Variants in PRKD1 observed in about 807,000 individuals in gnomAD.
The protein encoded by PRKD1 is serine/threonine-protein kinase D1.
PRKD1 carries 63 observed loss-of-function variants against 95.9 expected under a neutral mutation model. That is an observed-to-expected ratio of 0.66 (90% CI 0.54 to 0.81). PRKD1 has a LOEUF of 0.81. Ranked by LOEUF, PRKD1 falls within the 30% of genes least tolerant of loss-of-function variation. The pLI is 0.00. For synonymous variants in PRKD1, 425 were observed against 423.1 expected, an observed-to-expected ratio of 1.00 and a Z score of -0.05; for missense variants, 1,048 against 1,165.3, an observed-to-expected ratio of 0.90 and a Z score of 1.47.
intron 1 of PRKD1, among the ~76,000 whole-genome samples, chr14:29,769,755 T>C (rs887297652): frequency 6.6e-6 from 1 of 152,230 alleles, no homozygotes; most frequent in Non-Finnish European, 1.5e-5. Flanking sequence ...GTGTATGGAA[T>C]ATTATAAACT....
intron 1 of PRKD1, among the ~76,000 whole-genome samples, chr14:29,761,261 C>T (rs1186642056): frequency 6.6e-6 from 1 of 152,154 alleles, no homozygotes; most frequent in African/African-American, 2.4e-5. Flanking sequence ...TCACAATGAA[C>T]ATCAACAATT....
Position 29,826,844 on chromosome 14 carries a change from C to CATATATATAT in PRKD1, c.264+100395_264+100404dup, listed in dbSNP as rs1228527833. 2.0e-3 allele frequency among the ~76,000 whole-genome samples: 57 copies of CATATATATAT among 28,660 alleles called. 4 individuals carry two copies. Among genetic ancestry groups the CATATATATAT allele is most frequent in the African/African-American group, 4.2e-3 (35 of 8,250 alleles). The allele number at this position is 28,660 out of a possible 152,430, so 18.8% of individuals were successfully genotyped here. A position where few individuals can be genotyped will look rare whatever the true frequency, so the allele number is the denominator to read the frequency against. The stretch of plus-strand genomic sequence containing the variant: ...ATATATATATATATATATATACACA[C>CATATATATAT]ATATATATATATATATATATATATA... On this transcript the variant is annotated intron_variant, in intron 1 of 17. Transcript: ENST00000331968.
At chr14:29,635,382 C>G (rs1027695815) in intron 7 of PRKD1, among the ~76,000 whole-genome samples, 3 of 152,112 alleles carry the variant, frequency 2.0e-5, no homozygotes, top group African/African-American at 7.2e-5. Context: ...CCCCCCGGCA[C>G]CATGCAAACT....
intron 1 of PRKD1, among the ~76,000 whole-genome samples, chr14:29,756,635 G>A (rs1887712076): frequency 6.6e-6 from 1 of 152,130 alleles, no homozygotes; most frequent in South Asian, 2.1e-4. Flanking sequence ...GTGGACACTG[G>A]GTACTCATGT....
At chr14:29,792,217 T>C (rs1314836249) in intron 1 of PRKD1, among the ~76,000 whole-genome samples, 2 of 152,140 alleles carry the variant, frequency 1.3e-5, no homozygotes, top group Non-Finnish European at 2.9e-5. Context: ...AAAATTATTA[T>C]GTTAGCTAAT....
intron 16 of PRKD1, among the ~76,000 whole-genome samples, chr14:29,592,373 ATT>A (rs1001382925): frequency 2.0e-5 from 3 of 152,142 alleles, no homozygotes; most frequent in African/African-American, 7.2e-5. Context: ...GTAGGCATGC[ATT>A]TTTATATAGT....
chr14:29,629,403 A>G (rs45537840), intron 10 of PRKD1, among the ~76,000 whole-genome samples: 3,164 of 152,326 alleles, frequency 0.021, 109 homozygotes, highest in African/African-American at 0.065. Context: ...CGCTCGAGAG[A>G]CACTGATTTC....
intron 1 of PRKD1, among the ~76,000 whole-genome samples, chr14:29,817,559 T>C (rs1488764081): frequency 1.3e-5 from 2 of 152,228 alleles, no homozygotes; most frequent in African/African-American, 4.8e-5. Context: ...TCTTTAAGTA[T>C]TGACTCAATA....
chr14:29,781,917 C>T (rs1396284769), intron 1 of PRKD1, among the ~76,000 whole-genome samples: 1 of 152,196 alleles, frequency 6.6e-6, no homozygotes, highest in African/African-American at 2.4e-5. Flanking sequence ...ATTCAATCTG[C>T]TGCCACTTCT....
chr14:29,820,035 T>C (rs889801088), intron 1 of PRKD1, among the ~76,000 whole-genome samples: 3 of 152,194 alleles, frequency 2.0e-5, no homozygotes, highest in African/African-American at 7.2e-5. Context: ...ATTTCTAATA[T>C]GAAAGTCTCT....
At position 29,784,799 on chromosome 14, in the gene PRKD1, G is replaced by A. The variant is rs1000393377; in HGVS notation, c.265-59125C>T. On this transcript the variant is annotated intron_variant, in intron 1 of 17. Coordinates refer to ENST00000331968, the MANE Select transcript of PRKD1 (RefSeq NM_002742.3). ...TTTGCTAAATTCTCTAACAATAGGC[G>A]TTATCAAACAAATTATCAGATTGCT... Among the ~76,000 whole-genome samples, 15 of 152,258 alleles carry A rather than the reference G, an allele frequency of 9.9e-5. 1 individual carries two copies. Among genetic ancestry groups the A allele is most frequent in the Non-Finnish European group, 1.6e-4 (11 of 68,014 alleles).
intron 1 of PRKD1, among the ~76,000 whole-genome samples, chr14:29,829,593 T>C (rs1156907628): frequency 2.6e-5 from 4 of 152,194 alleles, no homozygotes; most frequent in Non-Finnish European, 5.9e-5. Context: ...CTAGCTACTC[T>C]TGATGTAATA....
At chr14:29,586,414 C>T (rs1478694595) in intron 16 of PRKD1, among the ~76,000 whole-genome samples, 4 of 152,140 alleles carry the variant, frequency 2.6e-5, no homozygotes, top group African/African-American at 9.7e-5. Context: ...GAAACTATGT[C>T]CTCTATTTAG....
At chr14:29,778,627 G>A (rs2139160785) in intron 1 of PRKD1, among the ~76,000 whole-genome samples, 1 of 152,270 alleles carries the variant, frequency 6.6e-6, no homozygotes. Flanking sequence ...AACAGGCTCT[G>A]AAATTGAGGC....
chr14:29,694,457 C>T (rs921109194), intron 2 of PRKD1, among the ~76,000 whole-genome samples: 7 of 152,090 alleles, frequency 4.6e-5, no homozygotes, highest in African/African-American at 1.2e-4. Context: ...TGATATTAAA[C>T]GATGAAAAGG....
intron 1 of PRKD1, among the ~76,000 whole-genome samples, chr14:29,778,099 G>A (rs1465528374): frequency 6.6e-6 from 1 of 152,134 alleles, no homozygotes; most frequent in Non-Finnish European, 1.5e-5. Context: ...AAACCAATGA[G>A]AACAAAGACA....
chr14:29,904,173 G>T (rs183327466), intron 1 of PRKD1, among the ~76,000 whole-genome samples: 1 of 152,244 alleles, frequency 6.6e-6, no homozygotes, highest in East Asian at 1.9e-4. Flanking sequence ...GCCTATAAAA[G>T]AATAGTGTAT....
intron 1 of PRKD1, among the ~76,000 whole-genome samples, chr14:29,755,031 T>C (rs1887633376): frequency 6.6e-6 from 1 of 152,142 alleles, no homozygotes; most frequent in South Asian, 2.1e-4. Context: ...CTACATACTT[T>C]ATACTTTCTA....
At chr14:29,683,528 A>G (rs1361313924) in intron 2 of PRKD1, among the ~76,000 whole-genome samples, 1 of 152,164 alleles carries the variant, frequency 6.6e-6, no homozygotes, top group Non-Finnish European at 1.5e-5. Context: ...GTGTGAAAAA[A>G]TCACCAATAC....
Sources: allele counts gnomAD v4.1 joint callset (sites outside exome capture counted in the v4.1 genomes callset), GRCh38; gene constraint gnomAD v4.1.1; transcripts MANE v1.5; gene names NCBI Gene and HGNC (gene_info 2026-07-23, HGNC 2026-07-21).